The following ANO2 variants were observed in gnomAD, a reference collection of about 807,000 sequenced individuals.
ANO2 encodes anoctamin 2.
ANO2 carries 101 observed loss-of-function variants against 124.2 expected under a neutral mutation model. The ratio of observed to expected loss-of-function variants is 0.81; its 90% confidence interval spans 0.69 to 0.96. The LOEUF is 0.96. ANO2 is among the 40% of genes least tolerant of loss of function. The probability of loss-of-function intolerance (pLI) is 0.00; values close to 1 mark genes in which losing one functional copy is unlikely to be tolerated. For missense variants in ANO2, 1,293 were observed against 1,274.5 expected, an observed-to-expected ratio of 1.01 and a Z score of -0.22; for synonymous variants, 486 against 482.5, an observed-to-expected ratio of 1.01 and a Z score of -0.09.
Position 5,635,134 on chromosome 12 carries a change from G to A in ANO2, c.1816+18C>T. On this transcript the variant is annotated intron_variant, in intron 16 of 24. Transcript: ENST00000682330. The surrounding 1 kb of genome is among the most constrained non-coding windows in gnomAD (Gnocchi z 5.2). ...TAAAGAGGGCCTAGGACAGCCAGAA[G>A]TCTCGGTGACACAGTACCAATTTTG... The A allele has an allele frequency of 6.5e-7, 1 of 1,545,714 alleles. No homozygotes were observed.
At chr12:5,812,702 GAAA>G (rs370611162) in intron 7 of ANO2, among the ~76,000 whole-genome samples, 6 of 23,590 alleles carry the variant, frequency 2.5e-4, no homozygotes, top group East Asian at 3.6e-3. Context: ...GAAAGAGAAA[GAAA>G]AGAAGAAGAA....
intron 14 of ANO2, among the ~76,000 whole-genome samples, chr12:5,728,908 G>C (rs988323529): frequency 6.6e-6 from 1 of 152,168 alleles, no homozygotes; most frequent in African/African-American, 2.4e-5. Flanking sequence ...TTCAACAAAT[G>C]TTGCTGGGAC....
intron 19 of ANO2, among the ~76,000 whole-genome samples, chr12:5,599,860 AC>A (rs1343916851): frequency 6.6e-6 from 1 of 152,136 alleles, no homozygotes; most frequent in Non-Finnish European, 1.5e-5. Context: ...GTTTCTTCAA[AC>A]CCCAAAATAC....
intron 4 of ANO2, among the ~76,000 whole-genome samples, chr12:5,853,121 T>C (rs1954967636): frequency 6.6e-6 from 1 of 151,886 alleles, no homozygotes; most frequent in African/African-American, 2.4e-5. Context: ...ATTTGCTAGA[T>C]TTTGTTATGC....
intron 10 of ANO2, among the ~76,000 whole-genome samples, chr12:5,786,325 T>C (rs571564278): frequency 8.8e-4 from 134 of 152,280 alleles, no homozygotes; most frequent in African/African-American, 2.7e-3. Flanking sequence ...TAGACCCACC[T>C]AGAGTGTCAT....
intron 4 of ANO2, among the ~76,000 whole-genome samples, chr12:5,851,425 C>G (rs185298529): frequency 7.7e-4 from 117 of 152,140 alleles, no homozygotes; most frequent in African/African-American, 2.7e-3. Flanking sequence ...TGGTGGCTCA[C>G]GCTTGTAATC....
At chr12:5,601,919 C>T (rs1425915382) in intron 19 of ANO2, among the ~76,000 whole-genome samples, 1 of 152,166 alleles carries the variant, frequency 6.6e-6, no homozygotes, top group African/African-American at 2.4e-5. Flanking sequence ...AGAAACAAGC[C>T]AACTCATGCT....
At chr12:5,620,949 C>T (rs1350939256) in intron 16 of ANO2, among the ~76,000 whole-genome samples, 1 of 152,196 alleles carries the variant, frequency 6.6e-6, no homozygotes, top group African/African-American at 2.4e-5. Context: ...AGGCCAGGTC[C>T]TCCCTGCCTG....
intron 14 of ANO2, among the ~76,000 whole-genome samples, chr12:5,689,065 A>G (rs1328233951): frequency 6.6e-6 from 1 of 152,168 alleles, no homozygotes; most frequent in African/African-American, 2.4e-5. Flanking sequence ...GTAACTAGTG[A>G]TCACTAGAGA....
chr12:5,893,029 G>A (rs1280796152), intron 3 of ANO2, among the ~76,000 whole-genome samples: 1 of 152,106 alleles, frequency 6.6e-6, no homozygotes, highest in Non-Finnish European at 1.5e-5. Flanking sequence ...CTTCTTTACT[G>A]CATTTGAAGT....
chr12:5,868,884 T>C (rs1955501168), intron 3 of ANO2, among the ~76,000 whole-genome samples: 1 of 152,184 alleles, frequency 6.6e-6, no homozygotes, highest in African/African-American at 2.4e-5. Context: ...GACAGGGATA[T>C]AAATGAGAAG....
intron 23 of ANO2, among the ~76,000 whole-genome samples, chr12:5,568,427 T>A (rs1047444037): frequency 6.6e-6 from 1 of 152,176 alleles, no homozygotes; most frequent in Non-Finnish European, 1.5e-5. Flanking sequence ...ATGCCGATCA[T>A]GACCCACTAA....
At chr12:5,801,352 C>T (rs1004314761) in intron 9 of ANO2, among the ~76,000 whole-genome samples, 3 of 152,282 alleles carry the variant, frequency 2.0e-5, no homozygotes, top group Admixed American at 6.5e-5. Context: ...GAATCAATAT[C>T]GGCATTTTAT....
At chr12:5,591,047 G>A (rs907529520) in intron 20 of ANO2, among the ~76,000 whole-genome samples, 6 of 152,158 alleles carry the variant, frequency 3.9e-5, no homozygotes, top group Admixed American at 1.3e-4. Context: ...AGGGCGTGAC[G>A]GGAATGCCTA....
At chr12:5,632,375 A>G (rs1036994884) in intron 16 of ANO2, among the ~76,000 whole-genome samples, 1 of 151,996 alleles carries the variant, frequency 6.6e-6, no homozygotes, top group African/African-American at 2.4e-5. Flanking sequence ...AAGTGAGCGT[A>G]TAACACTGCC....
chr12:5,795,400 G>C (rs989810850), intron 10 of ANO2, among the ~76,000 whole-genome samples: 1 of 152,220 alleles, frequency 6.6e-6, no homozygotes, highest in Admixed American at 6.5e-5. Context: ...CACTCATGAA[G>C]TGAGCACCCC....
intron 10 of ANO2, among the ~76,000 whole-genome samples, chr12:5,762,419 T>A (rs1386798653): frequency 6.6e-6 from 1 of 152,004 alleles, no homozygotes; most frequent in African/African-American, 2.4e-5. Context: ...ATTTACCTCT[T>A]AGGTTTTCAC....
rs1242458524 is a variant in ANO2 at position 5,817,448 on chromosome 12, G to C, written c.893-10080C>G. On this transcript the variant is annotated intron_variant, in intron 7 of 24. Transcript: ENST00000682330. ...GCACTGGGGCATAGAAGATGACTCA[G>C]AAATATCTCAAGGACTCACTGCCTT... is the stretch of plus-strand genomic sequence containing the variant. Among the ~76,000 whole-genome samples the C allele has an allele frequency of 2.0e-5, 3 of 152,314 alleles. No individual in the cohort carries two copies. In the East Asian group the frequency reaches 5.8e-4, roughly 29 times the overall value.
chr12:5,598,652 G>A (rs1861584), intron 20 of ANO2, among the ~76,000 whole-genome samples: 50,624 of 152,080 alleles, frequency 0.33, 8,588 homozygotes, highest in Admixed American at 0.4. Flanking sequence ...CACTGCGCTC[G>A]TCTTATACCT....
Sources: gnomAD v4.1 joint callset for allele counts (sites outside exome capture counted in the v4.1 genomes callset) on GRCh38, gnomAD v4.1.1 for gene constraint, Gnocchi (gnomAD v3.1) non-coding constraint, MANE v1.5 for transcripts, NCBI Gene and HGNC (gene_info 2026-07-23, HGNC 2026-07-21) for gene names.